FOXN3: variants seen among roughly 807,000 people sequenced by gnomAD.
FOXN3 encodes the protein forkhead box N3.
In FOXN3, 7 loss-of-function variants were observed where a neutral mutation model predicts 38.4. The ratio of observed to expected loss-of-function variants is 0.18; its 90% CI spans 0.10 to 0.34. FOXN3 has a LOEUF of 0.34. FOXN3 is among the 10% of genes least tolerant of loss of function. FOXN3 has a pLI of 1.00. For synonymous variants in FOXN3, 230 were observed against 242.2 expected, an observed-to-expected ratio of 0.95 and a Z score of 0.47; for missense variants, 456 against 613.4, an observed-to-expected ratio of 0.74 and a Z score of 2.71.
intron 1 of FOXN3, among the ~76,000 whole-genome samples, chr14:89,473,063 C>T (rs996184295): frequency 1.3e-5 from 2 of 151,966 alleles, no homozygotes; most frequent in African/African-American, 4.8e-5. Context: ...CTCGCTCTGT[C>T]ACCCAGGCTG....
intron 2 of FOXN3, among the ~76,000 whole-genome samples, chr14:89,365,355 G>A (rs531223705): frequency 5.3e-5 from 8 of 152,250 alleles, no homozygotes; most frequent in East Asian, 3.9e-4. Flanking sequence ...GAGCTAGCAC[G>A]CTAACAACGA....
chr14:89,405,206 C>T (rs1891357187), intron 2 of FOXN3, among the ~76,000 whole-genome samples: 1 of 152,058 alleles, frequency 6.6e-6, no homozygotes, highest in South Asian at 2.1e-4. Context: ...GCGTGATCTT[C>T]ACTCACCGCA....
chr14:89,468,566 G>A (rs151290592), intron 1 of FOXN3, among the ~76,000 whole-genome samples: 78 of 152,248 alleles, frequency 5.1e-4, no homozygotes, highest in Admixed American at 1.3e-3. Flanking sequence ...ACTTGACTGT[G>A]CCTCAGCTTT....
intron 1 of FOXN3, among the ~76,000 whole-genome samples, chr14:89,616,641 C>T (rs1332111332): frequency 6.6e-6 from 1 of 151,918 alleles, no homozygotes; most frequent in Non-Finnish European, 1.5e-5. Flanking sequence ...TTATAACTTC[C>T]CCCGATGAAT....
chr14:89,273,130 C>T (rs1224297824), intron 4 of FOXN3, among the ~76,000 whole-genome samples: 1 of 152,222 alleles, frequency 6.6e-6, no homozygotes, highest in Non-Finnish European at 1.5e-5. Context: ...TGGGTCAGCT[C>T]TCTGGACCCT....
intron 1 of FOXN3, among the ~76,000 whole-genome samples, chr14:89,449,069 T>A (rs950707704): frequency 6.6e-6 from 1 of 152,218 alleles, no homozygotes; most frequent in African/African-American, 2.4e-5. Flanking sequence ...TTTCTGCATC[T>A]CTCTTGTGTG....
chr14:89,414,955 C>T (rs1891654560), intron 1 of FOXN3, among the ~76,000 whole-genome samples: 2 of 152,166 alleles, frequency 1.3e-5, no homozygotes, highest in African/African-American at 4.8e-5. Flanking sequence ...ATATTTCTTT[C>T]TGTCAAATAA....
intron 3 of FOXN3, among the ~76,000 whole-genome samples, chr14:89,320,638 C>T (rs536569992): frequency 2.0e-5 from 3 of 152,330 alleles, no homozygotes; most frequent in African/African-American, 7.2e-5. Context: ...CCTCATCACA[C>T]TCAGGGGAAT....
At chr14:89,282,895 C>CA (rs920031432) in intron 3 of FOXN3, among the ~76,000 whole-genome samples, 3 of 152,168 alleles carry the variant, frequency 2.0e-5, no homozygotes, top group African/African-American at 7.2e-5. Context: ...AAGATTCTTA[C>CA]AACATACCTA....
intron 3 of FOXN3, among the ~76,000 whole-genome samples, chr14:89,339,994 CTAAGA>C (rs758915570): frequency 4.6e-5 from 7 of 152,048 alleles, no homozygotes; most frequent in Non-Finnish European, 8.8e-5. Context: ...CAGAAGAATC[CTAAGA>C]TAAGAAACTC....
intron 1 of FOXN3, among the ~76,000 whole-genome samples, chr14:89,559,745 G>A (rs556837680): frequency 6.6e-6 from 1 of 152,280 alleles, no homozygotes; most frequent in Non-Finnish European, 1.5e-5. Flanking sequence ...ACAGTATGCA[G>A]AAGCAAAGCT....
intron 1 of FOXN3, among the ~76,000 whole-genome samples, chr14:89,442,294 G>A (rs1350000629): frequency 2.6e-5 from 4 of 151,948 alleles, no homozygotes; most frequent in East Asian, 3.9e-4. Context: ...CTTTTCCCAC[G>A]CTCATCAAGC....
At chr14:89,527,949 G>C (rs1019790550) in intron 1 of FOXN3, among the ~76,000 whole-genome samples, 31 of 152,068 alleles carry the variant, frequency 2.0e-4, no homozygotes, top group African/African-American at 7.5e-4. Context: ...GGATCCACCT[G>C]TCTAGGCCTC....
intron 1 of FOXN3, among the ~76,000 whole-genome samples, chr14:89,472,331 C>T (rs1289850955): frequency 6.6e-6 from 1 of 152,066 alleles, no homozygotes; most frequent in African/African-American, 2.4e-5. Flanking sequence ...CCCCACAACC[C>T]AGCCAACTCT....
chr14:89,174,033 C>G lies in FOXN3; in HGVS notation c.851+6668G>C, dbSNP rs368585662. On this transcript the variant is annotated intron_variant, in intron 5 of 5. Transcript: ENST00000557258. ...TAAAAATAAAAAGACAGTAGCCTCC[C>G]CAAACTGTAAAGATGAACACTACGA... is the stretch of plus-strand genomic sequence containing the variant. 7.2e-5 allele frequency among the ~76,000 whole-genome samples: 11 copies of G among 151,880 alleles called. No homozygotes were observed. In the East Asian group the frequency reaches 9.6e-4, roughly 13 times the overall value.
chr14:89,201,520 CCAGAGCACCT>C (rs1888234092), intron 4 of FOXN3, among the ~76,000 whole-genome samples: 1 of 152,160 alleles, frequency 6.6e-6, no homozygotes, highest in East Asian at 1.9e-4. Flanking sequence ...CCAAGAGACC[CCAGAGCACCT>C]CAGAGCCTGG....
intron 3 of FOXN3, among the ~76,000 whole-genome samples, chr14:89,284,893 G>A (rs527293909): frequency 4.6e-5 from 7 of 152,268 alleles, no homozygotes; most frequent in Middle Eastern, 3.4e-3. Context: ...AGCATACCCG[G>A]CGGCTGCCAG....
At chr14:89,598,242 T>A (rs1896097865) in intron 1 of FOXN3, among the ~76,000 whole-genome samples, 1 of 152,176 alleles carries the variant, frequency 6.6e-6, no homozygotes, top group Non-Finnish European at 1.5e-5. Context: ...CCCTACATAT[T>A]TTAAACTCCA....
At chr14:89,259,230 G>C (rs1217245463) in intron 4 of FOXN3, among the ~76,000 whole-genome samples, 1 of 152,212 alleles carries the variant, frequency 6.6e-6, no homozygotes, top group Non-Finnish European at 1.5e-5. Context: ...ATATTATTAA[G>C]GATGCGTCTT....
Sources: allele counts gnomAD v4.1 joint callset (sites outside exome capture counted in the v4.1 genomes callset), GRCh38; gene constraint gnomAD v4.1.1; transcripts MANE v1.5; gene names NCBI Gene and HGNC (gene_info 2026-07-23, HGNC 2026-07-21).